The following ITFG2 variants were observed in gnomAD, a reference collection of about 807,000 sequenced individuals.
The protein encoded by ITFG2 is KICSTOR complex protein ITFG2.
In ITFG2, 36 loss-of-function variants were observed where a neutral mutation model predicts 54.4. The ratio of observed to expected loss-of-function variants is 0.66; its 90% CI spans 0.51 to 0.87. The LOEUF is 0.87. ITFG2 is among the 40% of genes least tolerant of loss of function. The probability of loss-of-function intolerance (pLI) is 0.00; values close to 1 mark genes in which losing one functional copy is unlikely to be tolerated. For synonymous variants in ITFG2, 211 were observed against 225.4 expected, an observed-to-expected ratio of 0.94 and a Z score of 0.57; for missense variants, 524 against 576.7, an observed-to-expected ratio of 0.91 and a Z score of 0.94.
In ITFG2 at chr12:2,830,590, A is replaced by G. The variant is rs1313183943; in HGVS notation, c.*60-244A>G. 13 of 1,129,428 alleles carry G rather than the reference A, an allele frequency of 1.2e-5. No homozygotes were observed. In the East Asian group the frequency reaches 1.6e-4, roughly 14 times the overall value. The allele number at this position is 1,129,428 out of a possible 1,614,324, so 70.0% of individuals were successfully genotyped here. ...GATCCTGGTTAGGTCCAGGCTAGGG[A>G]GAGAGGTGCCCTTTCTCCCTCCCTC... On this transcript the variant is annotated intron_variant and NMD_transcript_variant, in intron 2 of 2. Coordinates refer to the ITFG2 transcript ENST00000538822.
chr12:2,813,828 T>G (rs11062366), intron 1 of ITFG2, among the ~76,000 whole-genome samples: 2,552 of 152,264 alleles, frequency 0.017, 80 homozygotes, highest in African/African-American at 0.058. Context: ...CTACCCTCTC[T>G]GGGGAGGAAA....
chr12:2,840,176 C>T (rs2098037633), intron 1 of ITFG2, among the ~76,000 whole-genome samples: 1 of 151,940 alleles, frequency 6.6e-6, no homozygotes, highest in Admixed American at 6.6e-5. Context: ...TGGCCGGGCG[C>T]AGTGGCTCAC....
intron 2 of ITFG2, chr12:2,855,095 GA>G (rs2098083072): frequency 6.5e-7 from 1 of 1,535,932 alleles, no homozygotes; most frequent in Non-Finnish European, 8.7e-7. Flanking sequence ...ATCCAGGAGG[GA>G]GGGGGGATGG....
downstream of ITFG2, chr12:2,827,737 C>T (rs1472827729): frequency 6.2e-7 from 1 of 1,612,314 alleles, no homozygotes; most frequent in Non-Finnish European, 8.5e-7. The surrounding 1 kb of genome is among the most constrained non-coding windows in gnomAD (Gnocchi z 4.0). Context: ...CTGCTGCCCT[C>T]CTCTTAGCCG....
Position 2,820,866 on chromosome 12 carries a change from G to A in ITFG2, c.689G>A (p.Gly230Asp), listed in dbSNP as rs764518740. The change falls in exon 6 of 12, where the codon GGT becomes GAT. Residue 230 changes from glycine (G) to aspartate (D), a missense_variant. Physicochemically the swap from Gly to Asp is moderately conservative, Grantham distance 94. Coordinates refer to ENST00000228799, the MANE Select transcript of ITFG2 (RefSeq NM_018463.4). ...CCTGCCTCTGAAGGGCCCACGGATG[G>A]TAGTAGGTAAGGGGGTACAGGCCAG... The part of the protein sequence containing the change: ...SPPASEGPTD[G>D]SRETPAARDV... 1.2e-6 allele frequency: 2 copies of A among 1,614,026 alleles called. No individual in the cohort carries two copies. Among genetic ancestry groups the A allele is most frequent in the Non-Finnish European group, 1.7e-6 (2 of 1,179,928 alleles).
At chr12:2,828,138 A>G (rs969063203), downstream of ITFG2, 3 of 1,309,874 alleles carry the variant, frequency 2.3e-6, no homozygotes. Flanking sequence ...CTATGGTTTC[A>G]TCTCCAACCC....
chr12:2,852,742 C>T (rs1298212292), intron 2 of ITFG2, among the ~76,000 whole-genome samples: 5 of 152,082 alleles, frequency 3.3e-5, no homozygotes, highest in South Asian at 2.1e-4. Context: ...CGGTGGCTCA[C>T]GCCTGTAATC....
upstream of ITFG2, chr12:2,835,159 A>C: frequency 2.7e-6 from 3 of 1,125,230 alleles, no homozygotes; most frequent in East Asian, 1.4e-4. Context: ...GATGGGGCGT[A>C]TGTGTGTGTG....
chr12:2,832,351 T>C (rs942072588), upstream of ITFG2, among the ~76,000 whole-genome samples: 2 of 151,960 alleles, frequency 1.3e-5, no homozygotes, highest in African/African-American at 4.8e-5. Context: ...TGCCACTCTG[T>C]TTATGGGCCC....
chr12:2,854,304 C>T (rs1161446130), intron 2 of ITFG2, among the ~76,000 whole-genome samples: 1 of 152,252 alleles, frequency 6.6e-6, no homozygotes, highest in Non-Finnish European at 1.5e-5. Flanking sequence ...GGATTACAGG[C>T]GTGAGCCACC....
At position 2,845,139 on chromosome 12, in the gene ITFG2, C is replaced by A; in HGVS notation, n.300+4144C>A. On this transcript the variant is annotated intron_variant and non_coding_transcript_variant, in intron 2 of 3. Transcript: ENST00000537710. This position sits in a 1 kb window ranked among gnomAD's most constrained non-coding sequence, Gnocchi z 4.2. ...GGCTCGGTGGCAGCACAACTAAGGA[C>A]AGGGCTCAGTGATGGAAAAGAGGCA... 6.6e-6 allele frequency among the ~76,000 whole-genome samples: 1 copy of A among 150,884 alleles called. No individual in the cohort carries two copies. Among genetic ancestry groups the A allele is most frequent in the Non-Finnish European group, 1.5e-5 (1 of 67,622 alleles).
In ITFG2 at chr12:2,848,796, T is replaced by C. The variant is rs1250097343; in HGVS notation, n.300+7801T>C. 3.9e-5 allele frequency among the ~76,000 whole-genome samples: 6 copies of C among 152,044 alleles called. No homozygotes were observed. The East Asian group carries it at 1.2e-3, about 29-fold the overall frequency. On this transcript the variant is annotated intron_variant and non_coding_transcript_variant, in intron 2 of 3. Transcript: ENST00000537710. ...TGACCAATCCCAGCCTCATTCCCAA[T>C]GGGTTATGAGAGTGGAGATAGCTTC...
At chr12:2,827,217 G>C, downstream of ITFG2, 1 of 1,614,136 alleles carries the variant, frequency 6.2e-7, no homozygotes, top group Non-Finnish European at 8.5e-7. The surrounding 1 kb of genome is among the most constrained non-coding windows in gnomAD (Gnocchi z 4.0). Context: ...TCACTGGCCA[G>C]GCTCTTGGTA....
chr12:2,853,008 A>G (rs1272525793), intron 2 of ITFG2, among the ~76,000 whole-genome samples: 1 of 145,242 alleles, frequency 6.9e-6, no homozygotes, highest in Non-Finnish European at 1.5e-5. Context: ...TCAAAAAAAA[A>G]GAAACAACAA....
At chr12:2,834,926 A>G, upstream of ITFG2, 1 of 1,612,160 alleles carries the variant, frequency 6.2e-7, no homozygotes, top group Non-Finnish European at 8.5e-7. Flanking sequence ...CCCGTGCTGC[A>G]GCTCTCTTTC....
chr12:2,844,761 T>C (rs12817815), intron 2 of ITFG2, among the ~76,000 whole-genome samples: 9,761 of 152,146 alleles, frequency 0.064, 489 homozygotes, highest in East Asian at 0.29. Context: ...GGACACGACC[T>C]CCCCTTCCTA....
Position 2,824,253 on chromosome 12 carries a change from G to C in ITFG2, c.*60G>C. 1.3e-6 allele frequency: 2 copies of C among 1,495,516 alleles called. No homozygotes were observed. The highest frequency in any genetic ancestry group is 1.9e-6 in the Non-Finnish European group (2 of 1,073,168). 92.6% of individuals were successfully genotyped at this position (1,495,516 alleles called of 1,614,324 possible). A position where few individuals can be genotyped will look rare whatever the true frequency, so the allele number is the denominator to read the frequency against. On this transcript the variant is annotated 3_prime_UTR_variant, in exon 12 of 12. Transcript: ENST00000228799. ...TGAACCCCCACCCTACCCCCTAAAG[G>C]TATCTGTGGTATTGGCAGGATAGGG...
At chr12:2,822,996 A>G (rs1302485355) in intron 10 of ITFG2, 85 bp downstream of exon 10, 4 of 1,002,804 alleles carry the variant, frequency 4.0e-6, no homozygotes, top group African/African-American at 3.2e-5. Flanking sequence ...TTTGCCCCTC[A>G]CTTCCCTTTC....
Position 2,823,897 on chromosome 12 carries a change from G to A in ITFG2, c.1194G>A (p.Leu398=), listed in dbSNP as rs769443232. Residue 398 remains leucine, a synonymous_variant, in exon 11 of 12, where the codon CTG becomes CTA. Coordinates refer to ENST00000228799, the MANE Select transcript of ITFG2 (RefSeq NM_018463.4). ...RMESTNLVKL[L]ETKPEYHSLL... ...AGTCTACCAATCTGGTGAAACTGCT[G>A]GAGACCAAGCCGGAGTACCACAGCC... 1.2e-6 allele frequency: 2 copies of A among 1,613,534 alleles called. No homozygotes were observed. The highest frequency in any genetic ancestry group is 2.7e-5 in the African/African-American group (2 of 74,910).
Sources: gnomAD v4.1 joint callset for allele counts (sites outside exome capture counted in the v4.1 genomes callset) on GRCh38, gnomAD v4.1.1 for gene constraint, Gnocchi (gnomAD v3.1) non-coding constraint, MANE v1.5 for transcripts, NCBI Gene and HGNC (gene_info 2026-07-23, HGNC 2026-07-21) for gene names.